AFF3: variants seen among roughly 807,000 people sequenced by gnomAD.
The protein encoded by AFF3 is AF4/FMR2 family member 3.
A neutral mutation model predicts 129.7 loss-of-function variants in AFF3; 32 were observed. The ratio of observed to expected loss-of-function variants is 0.25; its 90% confidence interval spans 0.19 to 0.33. The LOEUF is 0.33. Ranked by LOEUF, AFF3 falls within the 10% of genes least tolerant of loss-of-function variation. The pLI, the probability that AFF3 is intolerant of heterozygous loss-of-function variation, is 1.00. For missense variants in AFF3, 1,373 were observed against 1,592.0 expected (o/e 0.86, Z 2.34); for synonymous variants, 644 against 635.4 (o/e 1.01, Z -0.20).
rs201879547 is a variant in AFF3 at position 99,601,452 on chromosome 2, G to C, written c.1354C>G (p.His452Asp). 532 of 1,606,690 alleles carry C rather than the reference G, an allele frequency of 3.3e-4. No homozygotes were observed. Among genetic ancestry groups the C allele is most frequent in the Non-Finnish European group, 4.3e-4 (501 of 1,176,038 alleles). The part of the protein sequence containing the change: ...SSESEGSKPP[H>D]FSSPEAEPAS... ...GCGCTTACCTCGGGGCTGGAGAAGT[G>C]GGGGGGCTTGCTGCCCTCACTCTCG... Residue 452 changes from histidine to aspartate, a missense_variant, in exon 14 of 25, where the codon CAC (histidine) becomes GAC (aspartate). By Grantham distance (81) the His-to-Asp change is moderately conservative (BLOSUM62 -1). Transcript: ENST00000672756.
chr2:100,106,075 C>T (rs1559129641), intron 2 of AFF3: 1 of 1,304,082 alleles, frequency 7.7e-7, no homozygotes, highest in Non-Finnish European at 1.0e-6. Context: ...ATTCAGGACA[C>T]AGGTAGAAGA....
At chr2:99,690,154 C>T (rs2104647871) in intron 11 of AFF3, among the ~76,000 whole-genome samples, 1 of 116,680 alleles carries the variant, frequency 8.6e-6, no homozygotes, top group South Asian at 2.9e-4. Flanking sequence ...TAACCACAAT[C>T]TTTATTATTA....
intron 9 of AFF3, among the ~76,000 whole-genome samples, chr2:99,745,913 T>C (rs192433318): frequency 8.7e-4 from 132 of 152,250 alleles, no homozygotes; most frequent in Non-Finnish European, 9.9e-4. Flanking sequence ...AAGTGGGAGT[T>C]AAGCTATGGG....
At chr2:99,659,507 A>G (rs1456877629) in intron 12 of AFF3, among the ~76,000 whole-genome samples, 1 of 152,176 alleles carries the variant, frequency 6.6e-6, no homozygotes, top group Non-Finnish European at 1.5e-5. Flanking sequence ...TCTTCTGGAC[A>G]GCTGCCTTGG....
At chr2:99,886,133 C>T (rs1409279060) in intron 7 of AFF3, among the ~76,000 whole-genome samples, 2 of 152,184 alleles carry the variant, frequency 1.3e-5, no homozygotes, top group African/African-American at 2.4e-5. Context: ...AAATATACCT[C>T]GTATGTACCC....
At chr2:99,703,402 C>T (rs1048629095) in intron 11 of AFF3, among the ~76,000 whole-genome samples, 6 of 152,034 alleles carry the variant, frequency 3.9e-5, no homozygotes, top group African/African-American at 1.4e-4. Flanking sequence ...TCTAGAAGTT[C>T]GAATGCATTT....
At chr2:99,925,916 A>G (rs1329001257) in intron 7 of AFF3, among the ~76,000 whole-genome samples, 2 of 152,200 alleles carry the variant, frequency 1.3e-5, no homozygotes, top group African/African-American at 4.8e-5. Context: ...CCAAGGTCTC[A>G]CAACTATGGA....
rs1674208844 is a variant in AFF3, at chr2:99,548,803, AT to A, written c.*2670del. The A allele has an allele frequency of 4.3e-6, 1 of 232,678 alleles. No individual in the cohort carries two copies. Among genetic ancestry groups the A allele is most frequent in the Non-Finnish European group, 8.5e-6 (1 of 117,676 alleles). The allele number at this position is 232,678 out of a possible 1,614,324, so 14.4% of individuals were successfully genotyped here. On this transcript the variant is annotated 3_prime_UTR_variant, in exon 25 of 25. Coordinates refer to ENST00000672756, the MANE Select transcript of AFF3 (RefSeq NM_001386135.1). ...CAAAACTAAGTAAAAGGAACAAGTT[AT>A]GAATGACTTTCACAAGCAACAATTG...
At chr2:99,957,625 GC>G (rs1676790925) in intron 7 of AFF3, among the ~76,000 whole-genome samples, 1 of 152,196 alleles carries the variant, frequency 6.6e-6, no homozygotes, top group Non-Finnish European at 1.5e-5. Flanking sequence ...GGACCAACTG[GC>G]CCATCCAGGT....
intron 7 of AFF3, among the ~76,000 whole-genome samples, chr2:99,929,473 T>A (rs11886157): frequency 0.036 from 5,559 of 152,316 alleles, 345 homozygotes; most frequent in African/African-American, 0.13. Context: ...ATCCCTTTCA[T>A]CAGTAACTGC....
At chr2:99,744,225 C>A in intron 9 of AFF3, 85 bp from the exon 10 acceptor site, 1 of 1,177,632 alleles carries the variant, frequency 8.5e-7, no homozygotes, top group South Asian at 1.4e-5. Context: ...TAAAACTGGT[C>A]ATTCAGAACC....
chr2:99,920,330 T>TA (rs879536057), intron 7 of AFF3, among the ~76,000 whole-genome samples: 5 of 150,630 alleles, frequency 3.3e-5, no homozygotes, highest in African/African-American at 4.9e-5. Flanking sequence ...TAGAAACATA[T>TA]AAAAAAAAAT....
intron 2 of AFF3, among the ~76,000 whole-genome samples, chr2:100,125,239 T>C (rs1692136427): frequency 6.6e-6 from 1 of 152,130 alleles, no homozygotes; most frequent in Non-Finnish European, 1.5e-5. Flanking sequence ...AATGCAAATG[T>C]CAGACCCTGG....
chr2:100,100,766 T>C (rs913375343), intron 4 of AFF3, among the ~76,000 whole-genome samples: 1 of 152,204 alleles, frequency 6.6e-6, no homozygotes, highest in African/African-American at 2.4e-5. Context: ...AAGCAACAGT[T>C]AGCCTGTTAA....
intron 7 of AFF3, among the ~76,000 whole-genome samples, chr2:99,841,648 C>T (rs1044984419): frequency 6.6e-6 from 1 of 152,166 alleles, no homozygotes; most frequent in African/African-American, 2.4e-5. Flanking sequence ...GCCACAGTAT[C>T]GTAGAAAATC....
In AFF3 at chr2:99,842,110, G is replaced by A. The variant is rs1008641236; in HGVS notation, c.874-4586C>T. 1.2e-4 allele frequency among the ~76,000 whole-genome samples: 19 copies of A among 152,062 alleles called. 1 individual carries two copies. ...TGACATTAAAAAATAAGGGGTAAGG[G>A]TTTGTGTCCTTAGAAGTAGGAGGAT... On this transcript the variant is annotated intron_variant, in intron 7 of 24. Coordinates refer to ENST00000672756, the MANE Select transcript of AFF3 (RefSeq NM_001386135.1).
rs148113662 is a variant in AFF3, at chr2:100,041,291, T to C, written c.54-32359A>G. On this transcript the variant is annotated intron_variant, in intron 4 of 24. Coordinates refer to ENST00000672756, the MANE Select transcript of AFF3 (RefSeq NM_001386135.1). ...CTCACTCATAAGTAAAGATTACATA[T>C]GCAGGGGCCCAGTGAATGCTTGCCT... Among the ~76,000 whole-genome samples the C allele has an allele frequency of 8.1e-3, 1,229 of 152,350 alleles. 21 individuals carry two copies. The highest frequency in any genetic ancestry group is 0.028 in the African/African-American group (1,163 of 41,574).
intron 4 of AFF3, among the ~76,000 whole-genome samples, chr2:100,086,332 C>T (rs1689428356): frequency 6.6e-6 from 1 of 151,596 alleles, no homozygotes; most frequent in African/African-American, 2.4e-5. Context: ...ACCATCCTGG[C>T]CAACAAGGTG....
intron 8 of AFF3, among the ~76,000 whole-genome samples, chr2:99,828,154 T>C (rs1433991236): frequency 6.6e-6 from 1 of 152,088 alleles, no homozygotes; most frequent in Non-Finnish European, 1.5e-5. Context: ...GGTATTAGAA[T>C]TTCATTTGGG....
Sources: gnomAD v4.1 joint callset for allele counts (sites outside exome capture counted in the v4.1 genomes callset) on GRCh38, gnomAD v4.1.1 for gene constraint, MANE v1.5 for transcripts, NCBI Gene and HGNC (gene_info 2026-07-23, HGNC 2026-07-21) for gene names.